The following PAPPA2 variants were observed in gnomAD, a reference collection of about 807,000 sequenced individuals.
The protein encoded by PAPPA2 is pappalysin 2, also known as pappalysin-2.
In PAPPA2, 86 loss-of-function variants were observed where a neutral mutation model predicts 176.4. The observed-to-expected ratio is 0.49, with a 90% CI of 0.41 to 0.58. The LOEUF (loss-of-function observed/expected upper bound fraction) is 0.58. Ranked by LOEUF, PAPPA2 falls within the 20% of genes least tolerant of loss-of-function variation. The pLI, the probability that PAPPA2 is intolerant of heterozygous loss-of-function variation, is 0.00. For missense variants in PAPPA2, 2,073 were observed against 2,256.9 expected (o/e 0.92, Z 1.65); for synonymous variants, 809 against 852.2 (o/e 0.95, Z 0.88).
intron 17 of PAPPA2, among the ~76,000 whole-genome samples, chr1:176,787,532 G>A (rs907010352): frequency 1.1e-4 from 17 of 151,862 alleles, no homozygotes; most frequent in African/African-American, 3.1e-4. Flanking sequence ...CACCATGCCC[G>A]GCCAAAAATT....
intron 20 of PAPPA2, 78 bp downstream of exon 20, chr1:176,793,747 T>C: frequency 9.2e-7 from 1 of 1,084,136 alleles, no homozygotes; most frequent in African/African-American, 1.6e-5. Flanking sequence ...TTTGGAGTAA[T>C]TTCAGAGGCT....
intron 21 of PAPPA2, among the ~76,000 whole-genome samples, chr1:176,826,688 C>T (rs998965438): frequency 6.6e-6 from 1 of 152,212 alleles, no homozygotes; most frequent in Non-Finnish European, 1.5e-5. Flanking sequence ...CTGGAATAAA[C>T]ATGATACCTC....
intron 3 of PAPPA2, among the ~76,000 whole-genome samples, chr1:176,637,697 T>C (rs1315031575): frequency 2.6e-5 from 4 of 152,160 alleles, no homozygotes; most frequent in Non-Finnish European, 4.4e-5. Context: ...CTGGCTTTAA[T>C]TGCTTTTCTT....
At chr1:176,755,360 A>G (rs1386919176) in intron 14 of PAPPA2, among the ~76,000 whole-genome samples, 2 of 152,192 alleles carry the variant, frequency 1.3e-5, no homozygotes, top group Non-Finnish European at 2.9e-5. Context: ...TAGCTTATGT[A>G]TAGCCCACAG....
chr1:176,463,492 C>G (rs1651472432), intron 1 of PAPPA2, 74 bp downstream of exon 1: 2 of 152,268 alleles, frequency 1.3e-5, no homozygotes, highest in African/African-American at 4.8e-5. Context: ...CGTTTGCTAA[C>G]TTGGCTTGTG....
At chr1:176,687,332 G>A (rs1333036719) in intron 4 of PAPPA2, among the ~76,000 whole-genome samples, 1 of 152,134 alleles carries the variant, frequency 6.6e-6, no homozygotes, top group African/African-American at 2.4e-5. Context: ...GGGTATGGAG[G>A]GGATTTGCTG....
chr1:176,664,643 TA>T (rs1452408363), intron 3 of PAPPA2, among the ~76,000 whole-genome samples: 8 of 152,190 alleles, frequency 5.3e-5, no homozygotes, highest in Non-Finnish European at 1.2e-4. Context: ...CTGACTACCT[TA>T]AAATATTATG....
chr1:176,568,624 C>G (rs1022328470), intron 2 of PAPPA2, among the ~76,000 whole-genome samples: 4 of 152,190 alleles, frequency 2.6e-5, no homozygotes, highest in African/African-American at 9.7e-5. Flanking sequence ...ATTGCTTGTC[C>G]TGTTTTCTGT....
At chr1:176,694,667 C>T (rs968580859) in intron 6 of PAPPA2, among the ~76,000 whole-genome samples, 2 of 152,286 alleles carry the variant, frequency 1.3e-5, no homozygotes, top group South Asian at 2.1e-4. Context: ...AGTGACTTAC[C>T]ATTATTATGT....
chr1:176,739,543 C>T (rs944875415), intron 12 of PAPPA2, 83 bp from the exon 13 acceptor site: 31 of 1,440,680 alleles, frequency 2.2e-5, no homozygotes, highest in Non-Finnish European at 2.7e-5. Flanking sequence ...AGTGAGCTCT[C>T]TAAGAAGAAT....
intron 2 of PAPPA2, among the ~76,000 whole-genome samples, chr1:176,569,713 T>C (rs1652206580): frequency 6.6e-6 from 1 of 152,230 alleles, no homozygotes; most frequent in African/African-American, 2.4e-5. Flanking sequence ...CTTGCTGCCT[T>C]CCTAGCACCT....
At position 176,698,504 on chromosome 1, in the gene PAPPA2, A is replaced by AT. The variant is rs1261042780; in HGVS notation, c.2747-588dup. On this transcript the variant is annotated intron_variant, in intron 7 of 22. Coordinates refer to ENST00000367662, the MANE Select transcript of PAPPA2 (RefSeq NM_020318.3). ...ATTTTTATTTGGCTACTGAATCTTC[A>AT]TTTTTTTTCCCACTCCATAATATGT... Among the ~76,000 whole-genome samples the AT allele has an allele frequency of 6.6e-5, 10 of 151,586 alleles. 1 individual carries two copies. In the South Asian group the frequency reaches 1.7e-3, roughly 25 times the overall value.
intron 3 of PAPPA2, among the ~76,000 whole-genome samples, chr1:176,650,193 A>T (rs1488600843): frequency 6.6e-6 from 1 of 151,326 alleles, no homozygotes; most frequent in Non-Finnish European, 1.5e-5. Context: ...AGTATATTTA[A>T]TCTGAAATAA....
chr1:176,812,578 A>G (rs1188538059), intron 21 of PAPPA2, among the ~76,000 whole-genome samples: 4 of 152,196 alleles, frequency 2.6e-5, no homozygotes, highest in Non-Finnish European at 5.9e-5. Flanking sequence ...ACAATTTACC[A>G]TCATGGTAAT....
intron 10 of PAPPA2, among the ~76,000 whole-genome samples, chr1:176,709,132 T>C (rs1013441486): frequency 3.9e-5 from 6 of 152,174 alleles, no homozygotes; most frequent in Non-Finnish European, 7.4e-5. Flanking sequence ...ACTTGTCCAG[T>C]GCATACTAGC....
chr1:176,749,991 C>T (rs894121197), intron 14 of PAPPA2, among the ~76,000 whole-genome samples: 4 of 152,110 alleles, frequency 2.6e-5, no homozygotes, highest in Admixed American at 1.3e-4. Flanking sequence ...TGAATAAATA[C>T]CAAGGAATGT....
chr1:176,720,241 A>G (rs1661557117), intron 12 of PAPPA2, among the ~76,000 whole-genome samples: 1 of 152,304 alleles, frequency 6.6e-6, no homozygotes, highest in East Asian at 1.9e-4. Context: ...CCCTCTAGCA[A>G]TACTTCTTGC....
In PAPPA2 at chr1:176,595,032, A is replaced by C; in HGVS notation, c.1428A>C (p.Pro476=). The change falls in exon 3 of 23, where the codon CCA becomes CCC. Residue 476 remains proline, a synonymous_variant. Transcript: ENST00000367662. ...EWVPFRDEKY[P]RLEVLQGFEP... is the part of the protein sequence containing the mutation. ...TTCCCTTTAGAGATGAGAAGTACCCACGACTTGAGGTTCTCCAGGGCTTTG... is the reference window on the plus strand; with the variant it reads ...TTCCCTTTAGAGATGAGAAGTACCCCCGACTTGAGGTTCTCCAGGGCTTTG... 6.2e-7 allele frequency: 1 copy of C among 1,614,136 alleles called. No homozygotes were observed. The highest frequency in any genetic ancestry group is 8.5e-7 in the Non-Finnish European group (1 of 1,180,030).
rs150117067 is a variant in PAPPA2 at position 176,611,847 on chromosome 1, C to T, written c.1991+16252C>T. On this transcript the variant is annotated intron_variant, in intron 3 of 22. Coordinates refer to ENST00000367662, the MANE Select transcript of PAPPA2 (RefSeq NM_020318.3). Reference sequence around the variant, plus strand: ...TGCCTTTCTTAGCTTTACTTTCTTTCATTTATCCTACTCATTCATCCATTC... The same window carrying T: ...TGCCTTTCTTAGCTTTACTTTCTTTTATTTATCCTACTCATTCATCCATTC... 2.2e-3 allele frequency among the ~76,000 whole-genome samples: 335 copies of T among 152,252 alleles called. 3 individuals are homozygous for T. Among genetic ancestry groups the T allele is most frequent in the African/African-American group, 7.7e-3 (321 of 41,560 alleles).
Sources: allele counts gnomAD v4.1 joint callset (sites outside exome capture counted in the v4.1 genomes callset), GRCh38; gene constraint gnomAD v4.1.1; transcripts MANE v1.5; gene names NCBI Gene and HGNC (gene_info 2026-07-23, HGNC 2026-07-21).